Variants in RAPGEF2 observed in about 807,000 individuals in gnomAD.
RAPGEF2 encodes PDZ domain containing guanine nucleotide exchange factor (GEF) 1.
A neutral mutation model predicts 186.7 loss-of-function variants in RAPGEF2; 54 were observed. That is an observed-to-expected ratio of 0.29 (90% CI 0.23 to 0.36). The LOEUF is 0.36. Among genes scored for constraint, RAPGEF2 ranks in the 10% least tolerant of loss-of-function variants. RAPGEF2 has a pLI of 1.00. For missense variants in RAPGEF2, 1,532 were observed against 2,045.0 expected, an observed-to-expected ratio of 0.75 and a Z score of 4.84; for synonymous variants, 712 against 705.9, an observed-to-expected ratio of 1.01 and a Z score of -0.14.
chr4:159,297,115 G>C (rs1762114254), intron 7 of RAPGEF2, among the ~76,000 whole-genome samples: 1 of 152,088 alleles, frequency 6.6e-6, no homozygotes, highest in Admixed American at 6.6e-5. Flanking sequence ...ATATATATTT[G>C]GACAGCAAGC....
rs540447036 is a variant in RAPGEF2, at chr4:159,255,359, T to G, written c.543+11568T>G. 3.9e-5 allele frequency among the ~76,000 whole-genome samples: 6 copies of G among 152,082 alleles called. No homozygotes were observed. The East Asian group carries it at 5.8e-4, about 15-fold the overall frequency. Reference sequence around the variant, plus strand: ...TTTGCTCTATTTTGAATATATAGTTTTTTTTTTTTTAACTGGTGCCTTTGT... The same window carrying G: ...TTTGCTCTATTTTGAATATATAGTTGTTTTTTTTTTAACTGGTGCCTTTGT... On this transcript the variant is annotated intron_variant, in intron 7 of 29. Transcript: ENST00000691494.
rs117532082 is a variant in RAPGEF2, at chr4:159,124,942, T to G, written c.69+20711T>G. Among the ~76,000 whole-genome samples the G allele has an allele frequency of 1.7e-3, 260 of 152,364 alleles. 5 individuals carry two copies. In the East Asian group the frequency reaches 0.041, roughly 24 times the overall value. ...ATGGTTTTTCCAGATCATACACTTT[T>G]GCTTATGGAAGGACATATTTTTGTC... is the stretch of plus-strand genomic sequence containing the variant. On this transcript the variant is annotated intron_variant, in intron 1 of 29. Coordinates refer to ENST00000691494, the MANE Select transcript of RAPGEF2 (RefSeq NM_001394067.2).
chr4:159,312,975 C>T (rs534499182), intron 8 of RAPGEF2, among the ~76,000 whole-genome samples: 1 of 152,068 alleles, frequency 6.6e-6, no homozygotes, highest in East Asian at 1.9e-4. Context: ...TGATGAAATC[C>T]CGTCTCTACT....
At chr4:159,233,686 G>C (rs533896602) in intron 4 of RAPGEF2, among the ~76,000 whole-genome samples, 4 of 152,072 alleles carry the variant, frequency 2.6e-5, no homozygotes, top group Admixed American at 1.3e-4. Flanking sequence ...CTGCTTGGAT[G>C]ATGGGGGCAC....
At chr4:159,254,009 C>G (rs978301025) in intron 7 of RAPGEF2, among the ~76,000 whole-genome samples, 7 of 152,196 alleles carry the variant, frequency 4.6e-5, no homozygotes, top group Non-Finnish European at 8.8e-5. Flanking sequence ...AATAATTGCA[C>G]GTCTTTTCCT....
rs143636141 is a variant in RAPGEF2 at position 159,179,357 on chromosome 4, C to T, written c.70-7285C>T. On this transcript the variant is annotated intron_variant, in intron 1 of 29. Transcript: ENST00000691494. ...AGACACTCTAGGTAATTTAACTCTC[C>T]AGCATTATTTTTCTATAGTTGTTGG... Among the ~76,000 whole-genome samples the T allele has an allele frequency of 3.1e-3, 479 of 152,194 alleles. 6 individuals are homozygous for T. The highest frequency in any genetic ancestry group is 5.1e-3 in the Non-Finnish European group (349 of 68,012).
chr4:159,251,580 T>C (rs1168634342), intron 7 of RAPGEF2, among the ~76,000 whole-genome samples: 1 of 152,094 alleles, frequency 6.6e-6, no homozygotes, highest in Non-Finnish European at 1.5e-5. Flanking sequence ...GCACTCTGTC[T>C]AGCTAAAGAT....
intron 4 of RAPGEF2, among the ~76,000 whole-genome samples, chr4:159,217,968 T>G (rs1751143468): frequency 6.6e-6 from 1 of 152,228 alleles, no homozygotes; most frequent in Non-Finnish European, 1.5e-5. Context: ...ATTTAAGTGT[T>G]TCTTATTTCA....
At chr4:159,243,844 T>A in intron 7 of RAPGEF2, 53 bp downstream of exon 7, 1 of 1,149,306 alleles carries the variant, frequency 8.7e-7, no homozygotes, top group Non-Finnish European at 1.2e-6. Context: ...TACGTGTGAA[T>A]TTGCACTGTT....
At chr4:159,320,287 A>G (rs1456137627) in intron 9 of RAPGEF2, among the ~76,000 whole-genome samples, 2 of 152,170 alleles carry the variant, frequency 1.3e-5, no homozygotes, top group Non-Finnish European at 2.9e-5. Flanking sequence ...CCTGCCTCCC[A>G]TATATGATAG....
chr4:159,261,130 T>C (rs1342969087), intron 7 of RAPGEF2, among the ~76,000 whole-genome samples: 2 of 151,872 alleles, frequency 1.3e-5, no homozygotes, highest in Admixed American at 6.6e-5. Flanking sequence ...GGTGCAATCT[T>C]GGCTCACTGC....
At chr4:159,306,924 C>T (rs940131410) in intron 8 of RAPGEF2, among the ~76,000 whole-genome samples, 40 of 106,116 alleles carry the variant, frequency 3.8e-4, no homozygotes, top group Admixed American at 3.3e-3. Context: ...AGAAAATAAG[C>T]CAGAGCTATG....
At chr4:159,304,645 G>T (rs964947431) in intron 8 of RAPGEF2, among the ~76,000 whole-genome samples, 172 bp downstream of exon 8, 1 of 151,900 alleles carries the variant, frequency 6.6e-6, no homozygotes, top group Admixed American at 6.6e-5. Flanking sequence ...GTGTAGAACT[G>T]CTGTCTGATT....
intron 7 of RAPGEF2, among the ~76,000 whole-genome samples, chr4:159,280,028 G>A (rs1759478717): frequency 6.6e-6 from 1 of 152,210 alleles, no homozygotes; most frequent in Middle Eastern, 3.4e-3. Context: ...TTAGGAGCAG[G>A]TCACCATGCT....
chr4:159,175,483 A>G (rs929556274), intron 1 of RAPGEF2, among the ~76,000 whole-genome samples: 3 of 152,202 alleles, frequency 2.0e-5, no homozygotes, highest in Non-Finnish European at 2.9e-5. Flanking sequence ...CTGTTTTAAA[A>G]TAAACATTTC....
intron 25 of RAPGEF2, among the ~76,000 whole-genome samples, chr4:159,348,784 C>G (rs1215478882): frequency 3.3e-5 from 5 of 152,060 alleles, no homozygotes; most frequent in Non-Finnish European, 7.4e-5. Flanking sequence ...GTCTTTAGTT[C>G]CATTTATGAA....
At chr4:159,209,545 C>A (rs1451354392) in intron 3 of RAPGEF2, among the ~76,000 whole-genome samples, 3 of 152,212 alleles carry the variant, frequency 2.0e-5, no homozygotes, top group African/African-American at 4.8e-5. Flanking sequence ...TGAATGTAAT[C>A]TCCGTGAGGG....
intron 7 of RAPGEF2, among the ~76,000 whole-genome samples, chr4:159,272,358 C>T (rs1758234946): frequency 6.6e-6 from 1 of 152,166 alleles, no homozygotes; most frequent in Non-Finnish European, 1.5e-5. Flanking sequence ...CAAGATTGTG[C>T]TCTTTTATTT....
intron 7 of RAPGEF2, among the ~76,000 whole-genome samples, chr4:159,249,285 C>CTTTT (rs34205767): frequency 8.1e-6 from 1 of 123,228 alleles, no homozygotes; most frequent in African/African-American, 3.1e-5. Context: ...AAAAAAGTCT[C>CTTTT]TTTTTTTTTT....
Sources: allele counts gnomAD v4.1 joint callset (sites outside exome capture counted in the v4.1 genomes callset), GRCh38; gene constraint gnomAD v4.1.1; transcripts MANE v1.5; gene names NCBI Gene and HGNC (gene_info 2026-07-23, HGNC 2026-07-21).